The following UACA variants were observed in gnomAD, a reference collection of about 807,000 sequenced individuals.
UACA encodes nuclear membrane binding protein.
A neutral mutation model predicts 160.5 loss-of-function variants in UACA; 112 were observed. The observed-to-expected ratio is 0.70, with a 90% CI of 0.60 to 0.82. The LOEUF (loss-of-function observed/expected upper bound fraction) is 0.82. Ranked by LOEUF, UACA falls within the 40% of genes least tolerant of loss-of-function variation. UACA has a pLI of 0.00. For missense variants in UACA, 1,574 were observed against 1,614.6 expected (o/e 0.97, Z 0.43); for synonymous variants, 557 against 568.4 (o/e 0.98, Z 0.29).
chr15:70,665,468 C>A (rs1896869876), intron 16 of UACA, among the ~76,000 whole-genome samples: 1 of 152,068 alleles, frequency 6.6e-6, no homozygotes, highest in Non-Finnish European at 1.5e-5. Flanking sequence ...AGGTTGGGCA[C>A]AGTGGCTCAC....
In UACA at chr15:70,691,318, C is replaced by G. The variant is rs777009991; in HGVS notation, c.347G>C (p.Cys116Ser). The G allele has an allele frequency of 6.2e-7, 1 of 1,606,392 alleles. No individual in the cohort carries two copies. Residue 116 changes from cysteine to serine, a missense_variant, in exon 4 of 19, where the codon TGC becomes TCC. Physicochemically the swap from Cys to Ser is moderately radical, Grantham distance 112. Coordinates refer to ENST00000322954, the MANE Select transcript of UACA (RefSeq NM_018003.4). The stretch of plus-strand genomic sequence containing the variant: ...CACTACCTGTAGAAGTTTTTGTAGG[C>G]ACAATGCATGTCCATACTTAGCAGC... ...HLAAKYGHAL[C>S]LQKLLQYNCP...
intron 1 of UACA, among the ~76,000 whole-genome samples, chr15:70,738,899 A>G (rs1214136494): frequency 6.6e-6 from 1 of 152,228 alleles, no homozygotes; most frequent in Non-Finnish European, 1.5e-5. Flanking sequence ...TTGTGTCTAC[A>G]GTCAACTAGT....
intron 1 of UACA, among the ~76,000 whole-genome samples, chr15:70,713,286 T>G (rs1053691610): frequency 6.6e-6 from 1 of 152,120 alleles, no homozygotes; most frequent in Non-Finnish European, 1.5e-5. Context: ...AGGCAGAGCC[T>G]GCAGTGAGCC....
chr15:70,661,265 G>A (rs916714250), intron 17 of UACA: 61 of 152,094 alleles, frequency 4.0e-4, no homozygotes, highest in African/African-American at 1.3e-3. Flanking sequence ...CTATCACTTA[G>A]AATCTGCATT....
intron 5 of UACA, 106 bp from the exon 6 acceptor site, chr15:70,687,926 C>A: frequency 9.5e-7 from 1 of 1,055,718 alleles, no homozygotes; most frequent in African/African-American, 1.6e-5. Flanking sequence ...TCTAAATTAC[C>A]AAGCTTCACG....
rs551439535 is a variant in UACA, at chr15:70,759,395, C to T, written c.78+3935G>A. Among the ~76,000 whole-genome samples, 7 of 152,342 alleles carry T rather than the reference C, an allele frequency of 4.6e-5. No homozygotes were observed. In the South Asian group the frequency reaches 8.3e-4, roughly 18 times the overall value. The stretch of plus-strand genomic sequence containing the variant: ...AACAGGCTGGGCACGGTGGCTGATG[C>T]TTGTAATCCCAGCACTTTGGGAGGC... On this transcript the variant is annotated intron_variant, in intron 1 of 18. Coordinates refer to ENST00000322954, the MANE Select transcript of UACA (RefSeq NM_018003.4).
At chr15:70,759,428 G>C (rs918413272) in intron 1 of UACA, among the ~76,000 whole-genome samples, 6 of 152,204 alleles carry the variant, frequency 3.9e-5, no homozygotes, top group African/African-American at 1.4e-4. Context: ...GGCCAAGGTG[G>C]GCGGATCACC....
chr15:70,658,635 T>TA (rs1288190105), intron 18 of UACA, among the ~76,000 whole-genome samples: 1 of 152,314 alleles, frequency 6.6e-6, no homozygotes, highest in East Asian at 1.9e-4. Context: ...ACTTTAAACT[T>TA]AAAATGGTGG....
chr15:70,662,412 A>AT (rs936702224), intron 17 of UACA, among the ~76,000 whole-genome samples: 1 of 152,228 alleles, frequency 6.6e-6, no homozygotes, highest in African/African-American at 2.4e-5. Flanking sequence ...GGAAGAATCA[A>AT]TGTCATGAAA....
At chr15:70,687,069 A>T (rs1452699724) in intron 7 of UACA, among the ~76,000 whole-genome samples, 2 of 152,216 alleles carry the variant, frequency 1.3e-5, no homozygotes, top group East Asian at 3.8e-4. Context: ...TGGCAGAGTA[A>T]GGAGAGAAAA....
At chr15:70,682,621 A>G (rs889999341) in intron 9 of UACA, 137 bp downstream of exon 9, 8 of 436,624 alleles carry the variant, frequency 1.8e-5, no homozygotes, top group Admixed American at 4.4e-5. Flanking sequence ...TCCAGAATCT[A>G]CACGGGCTTG....
At chr15:70,735,510 T>C (rs925496509) in intron 1 of UACA, among the ~76,000 whole-genome samples, 1 of 151,654 alleles carries the variant, frequency 6.6e-6, no homozygotes, top group Non-Finnish European at 1.5e-5. Context: ...TTCTCTCAAT[T>C]AAAAAAAATA....
intron 4 of UACA, 61 bp downstream of exon 4, chr15:70,691,238 A>G: frequency 3.3e-6 from 4 of 1,228,790 alleles, no homozygotes; most frequent in Non-Finnish European, 3.5e-6. Flanking sequence ...AAACACATTA[A>G]AAGTACATCT....
chr15:70,657,016 C>A lies in UACA; in HGVS notation c.*40G>T. On this transcript the variant is annotated 3_prime_UTR_variant, in exon 19 of 19. Coordinates refer to ENST00000322954, the MANE Select transcript of UACA (RefSeq NM_018003.4). Reference sequence around the variant, plus strand: ...GGAGTTGCACAAAGAATGTTCAGCACCAGCAAGATAAAACAGATACTGGCA... The same window carrying A: ...GGAGTTGCACAAAGAATGTTCAGCAACAGCAAGATAAAACAGATACTGGCA... 6.4e-7 allele frequency: 1 copy of A among 1,558,672 alleles called. No homozygotes were observed. The highest frequency in any genetic ancestry group is 1.1e-5 in the South Asian group (1 of 89,868).
rs200529188 is a variant in UACA at position 70,687,795 on chromosome 15, T to C, written c.450A>G (p.Ile150Met). 6.2e-7 allele frequency: 1 copy of C among 1,613,622 alleles called. No homozygotes were observed. Among genetic ancestry groups the C allele is most frequent in the Non-Finnish European group, 8.5e-7 (1 of 1,179,760 alleles). The stretch of plus-strand genomic sequence containing the variant: ...AGGCCCCATGGTCACAAAGCAGCTG[T>C]ATGCTAGAAGGACAATCTGCCATTG... The part of the protein sequence containing the change: ...DAAMADCPSS[I>M]QLLCDHGASV... Residue 150 changes from isoleucine (I) to methionine (M), a missense_variant, in exon 6 of 19, where the codon ATA (isoleucine) becomes ATG (methionine). Ile to Met is a conservative substitution (Grantham distance 10). Transcript: ENST00000322954.
At chr15:70,718,809 C>T (rs143032101) in intron 1 of UACA, among the ~76,000 whole-genome samples, 178 of 152,172 alleles carry the variant, frequency 1.2e-3, no homozygotes, top group Non-Finnish European at 1.9e-3. Flanking sequence ...GTGATATAGG[C>T]TTTGAAACCA....
chr15:70,681,559 A>AT (rs1406028325), intron 9 of UACA: 1 of 152,168 alleles, frequency 6.6e-6, no homozygotes, highest in African/African-American at 2.4e-5. Flanking sequence ...AATTCTTTTT[A>AT]TTTTAAATAT....
upstream of UACA, among the ~76,000 whole-genome samples, chr15:70,766,111 C>T (rs1176888125): frequency 6.6e-6 from 1 of 152,194 alleles, no homozygotes; most frequent in East Asian, 1.9e-4. Context: ...TGGATGATGT[C>T]CCCATGGTGT....
chr15:70,743,400 C>T (rs530445909), intron 1 of UACA, among the ~76,000 whole-genome samples: 4 of 152,186 alleles, frequency 2.6e-5, no homozygotes, highest in African/African-American at 9.6e-5. Context: ...ATTCAAAGTC[C>T]TGGGGATTCA....
Sources: gnomAD v4.1 joint callset for allele counts (sites outside exome capture counted in the v4.1 genomes callset) on GRCh38, gnomAD v4.1.1 for gene constraint, MANE v1.5 for transcripts, NCBI Gene and HGNC (gene_info 2026-07-23, HGNC 2026-07-21) for gene names.